The following PALM2AKAP2 variants were observed in gnomAD, a reference collection of about 807,000 sequenced individuals.
The protein encoded by PALM2AKAP2 is PALM2-AKAP2 fusion protein.
PALM2AKAP2 carries 37 observed loss-of-function variants against 71.5 expected under a neutral mutation model. That is an observed-to-expected ratio of 0.52 (90% CI 0.40 to 0.68). PALM2AKAP2 has a LOEUF of 0.68. Among genes scored for constraint, PALM2AKAP2 ranks in the 30% least tolerant of loss-of-function variants. The pLI is 0.00. For missense variants in PALM2AKAP2, 1,224 were observed against 1,191.8 expected (o/e 1.03, Z -0.40); for synonymous variants, 468 against 478.8 (o/e 0.98, Z 0.29).
At chr9:110,084,976 A>G (rs1834534707) in intron 1 of PALM2AKAP2, among the ~76,000 whole-genome samples, 1 of 151,898 alleles carries the variant, frequency 6.6e-6, no homozygotes, top group Non-Finnish European at 1.5e-5. Context: ...TCCTGACCTT[A>G]TGATCTGCCT....
intron 1 of PALM2AKAP2, among the ~76,000 whole-genome samples, chr9:110,118,444 C>T (rs990623676): frequency 1.3e-5 from 2 of 151,970 alleles, no homozygotes; most frequent in East Asian, 1.9e-4. Flanking sequence ...GACAGGATTT[C>T]GCAACGTTGG....
chr9:109,877,226 T>G (rs1487820489), intron 2 of PALM2AKAP2, among the ~76,000 whole-genome samples: 1 of 152,050 alleles, frequency 6.6e-6, no homozygotes, highest in Non-Finnish European at 1.5e-5. Flanking sequence ...GGAAGCACCC[T>G]GAAAGTGTGG....
At chr9:110,136,681 G>A (rs1293371434) in exon 2 of PALM2AKAP2, 2 of 1,614,068 alleles carry the variant, frequency 1.2e-6, no homozygotes, top group East Asian at 2.2e-5. Context: ...ACAGCCTGCA[G>A]GTGCCTGTCA....
intron 1 of PALM2AKAP2, among the ~76,000 whole-genome samples, chr9:110,081,684 A>C (rs1834452648): frequency 6.6e-6 from 1 of 152,108 alleles, no homozygotes. Flanking sequence ...CTCATGCTCC[A>C]GTGGCAGTCC....
chr9:110,060,322 C>T (rs1833936603), intron 1 of PALM2AKAP2, among the ~76,000 whole-genome samples: 3 of 151,998 alleles, frequency 2.0e-5, no homozygotes, highest in South Asian at 2.1e-4. Flanking sequence ...AGGCTGGTCT[C>T]GAACTCCTGA....
intron 1 of PALM2AKAP2, among the ~76,000 whole-genome samples, chr9:109,757,326 T>C (rs78454722): frequency 0.071 from 10,738 of 152,224 alleles, 478 homozygotes; most frequent in African/African-American, 0.11. Context: ...AAGAATCCCA[T>C]ACTGTATCTC....
intron 1 of PALM2AKAP2, among the ~76,000 whole-genome samples, chr9:110,119,595 CCT>C (rs1410371343): frequency 7.9e-5 from 12 of 151,998 alleles, no homozygotes; most frequent in Non-Finnish European, 1.2e-4. Context: ...GATGAGGGTA[CCT>C]CTCTCATTAC....
chr9:109,735,123 G>T (rs997938491), intron 1 of PALM2AKAP2, among the ~76,000 whole-genome samples: 22 of 150,860 alleles, frequency 1.5e-4, no homozygotes, highest in Non-Finnish European at 1.9e-4. Context: ...AAGCATAGTT[G>T]AAAGAGTGTC....
In PALM2AKAP2 at chr9:110,100,051, CTATATATATATA is replaced by C. The variant is rs71373968; in HGVS notation, c.157-36057_157-36046del. Among the ~76,000 whole-genome samples the C allele has an allele frequency of 2.8e-3, 311 of 109,480 alleles. 5 individuals carry two copies. The highest frequency in any genetic ancestry group is 9.5e-3 in the African/African-American group (293 of 30,978). 71.8% of individuals were successfully genotyped at this position (109,480 alleles called of 152,430 possible). A position where few individuals can be genotyped will look rare whatever the true frequency, so the allele number is the denominator to read the frequency against. On this transcript the variant is annotated intron_variant, in intron 1 of 3. Coordinates refer to ENST00000374525, the Ensembl canonical transcript of PALM2AKAP2. ...AACATATATGCATATGTATGTGTGT[CTATATATATATA>C]TATATATATATATATATAGAAACAT...
chr9:109,920,367 T>G (rs1287877523), intron 3 of PALM2AKAP2, among the ~76,000 whole-genome samples: 1 of 146,240 alleles, frequency 6.8e-6, no homozygotes, highest in Non-Finnish European at 1.5e-5. Flanking sequence ...TTGAGAATAA[T>G]GTAATCTTTT....
At chr9:109,995,452 A>G (rs972920436) in intron 6 of PALM2AKAP2, among the ~76,000 whole-genome samples, 1 of 152,178 alleles carries the variant, frequency 6.6e-6, no homozygotes, top group East Asian at 1.9e-4. Flanking sequence ...TCACGCTGCT[A>G]AAAAAGACAT....
At chr9:109,988,006 G>A (rs1832411694) in intron 6 of PALM2AKAP2, among the ~76,000 whole-genome samples, 1 of 152,212 alleles carries the variant, frequency 6.6e-6, no homozygotes, top group Non-Finnish European at 1.5e-5. Flanking sequence ...AGGGACATAG[G>A]ATTTCTACCA....
At chr9:110,026,530 G>T (rs530885623) in intron 7 of PALM2AKAP2, among the ~76,000 whole-genome samples, 1 of 152,040 alleles carries the variant, frequency 6.6e-6, no homozygotes, top group African/African-American at 2.4e-5. Context: ...GTGGCGTTAG[G>T]TACATTCAAA....
At chr9:109,814,885 A>G (rs904676861) in intron 1 of PALM2AKAP2, among the ~76,000 whole-genome samples, 1 of 152,212 alleles carries the variant, frequency 6.6e-6, no homozygotes, top group Non-Finnish European at 1.5e-5. Context: ...ATGCCATTTT[A>G]GGTAGAGTTT....
Position 109,794,851 on chromosome 9 carries a change from C to T in PALM2AKAP2, c.45+14318C>T, listed in dbSNP as rs140741718. Among the ~76,000 whole-genome samples the T allele has an allele frequency of 2.8e-3, 420 of 152,310 alleles. 3 individuals carry two copies. Among genetic ancestry groups the T allele is most frequent in the African/African-American group, 9.6e-3 (401 of 41,564 alleles). On this transcript the variant is annotated intron_variant, in intron 1 of 9. Coordinates refer to the PALM2AKAP2 transcript ENST00000302798. ...GATAGCAGAGCCATAATTGTGAAATCGGGTTAAAGAATGATTGCTGCAGTA... is the reference window on the plus strand; with the variant it reads ...GATAGCAGAGCCATAATTGTGAAATTGGGTTAAAGAATGATTGCTGCAGTA...
chr9:110,048,689 A>G (rs991959416), upstream of PALM2AKAP2: 98 of 1,535,100 alleles, frequency 6.4e-5, no homozygotes, highest in Non-Finnish European at 8.4e-5. Flanking sequence ...GGAGGCTACC[A>G]CTCCCTGCAG....
Position 110,162,092 on chromosome 9 carries a change from A to G in PALM2AKAP2, c.2748+5595A>G. ...AACCCTGGTCTTTTCCCTCTCTGCC[A>G]GTACACTTCTAAGTTACTGTCTTGC... On this transcript the variant is annotated intron_variant, in intron 3 of 3. Coordinates refer to ENST00000374525, the Ensembl canonical transcript of PALM2AKAP2. 5 of 1,613,978 alleles carry G rather than the reference A, an allele frequency of 3.1e-6. No homozygotes were observed. Among genetic ancestry groups the G allele is most frequent in the Non-Finnish European group, 4.2e-6 (5 of 1,179,948 alleles).
chr9:109,837,162 A>C (rs1428147510), intron 1 of PALM2AKAP2, among the ~76,000 whole-genome samples: 1 of 152,256 alleles, frequency 6.6e-6, no homozygotes, highest in Admixed American at 6.5e-5. Context: ...GAAGCCCATC[A>C]GACTAACAGT....
chr9:109,750,570 A>AAGTG (rs746154004), intron 1 of PALM2AKAP2, among the ~76,000 whole-genome samples: 27,081 of 97,708 alleles, frequency 0.28, 2,568 homozygotes, highest in Middle Eastern at 0.46. Flanking sequence ...CTGCCCTAGG[A>AAGTG]CGTGTGTGTG....
Sources: gnomAD v4.1 joint callset for allele counts (sites outside exome capture counted in the v4.1 genomes callset) on GRCh38, gnomAD v4.1.1 for gene constraint, MANE v1.5 for transcripts, NCBI Gene and HGNC (gene_info 2026-07-23, HGNC 2026-07-21) for gene names.